PDS5B: variants seen among roughly 807,000 people sequenced by gnomAD.
PDS5B encodes the protein sister chromatid cohesion protein PDS5 homolog B.
A neutral mutation model predicts 184.1 loss-of-function variants in PDS5B; 51 were observed. That is an observed-to-expected ratio of 0.28 (90% CI 0.22 to 0.35). The LOEUF (loss-of-function observed/expected upper bound fraction) is 0.35. Ranked by LOEUF, PDS5B falls within the 10% of genes least tolerant of loss-of-function variation. PDS5B has a pLI of 1.00. For missense variants in PDS5B, 1,180 were observed against 1,723.3 expected (o/e 0.68, Z 5.58); for synonymous variants, 566 against 569.2 (o/e 0.99, Z 0.08).
chr13:32,693,727 G>T (rs1951619995), intron 13 of PDS5B, among the ~76,000 whole-genome samples: 1 of 150,530 alleles, frequency 6.6e-6, no homozygotes, highest in Admixed American at 6.6e-5. Flanking sequence ...TATATATCGA[G>T]TACCTGTATG....
chr13:32,728,221 G>T (rs1056652192), intron 19 of PDS5B, among the ~76,000 whole-genome samples: 10 of 151,338 alleles, frequency 6.6e-5, no homozygotes, highest in African/African-American at 2.2e-4. Context: ...AACTTCTTGA[G>T]TCTATGTAGC....
In PDS5B at chr13:32,658,337, C is replaced by T; in HGVS notation, c.399+12C>T. On this transcript the variant is annotated intron_variant, in intron 4 of 34. Coordinates refer to ENST00000315596, the MANE Select transcript of PDS5B (RefSeq NM_015032.4). ...TTTATTTACTTGAGGTAAGCAATAT[C>T]TTGTATCTTGAGATGACATTTTAAA... 2.1e-6 allele frequency: 3 copies of T among 1,437,630 alleles called. No homozygotes were observed. The highest frequency in any genetic ancestry group is 2.9e-6 in the Non-Finnish European group (3 of 1,026,318). 89.1% of individuals were successfully genotyped at this position (1,437,630 alleles called of 1,614,324 possible).
chr13:32,634,583 CTTTTT>C (rs34358183), intron 1 of PDS5B, among the ~76,000 whole-genome samples: 1 of 138,550 alleles, frequency 7.2e-6, no homozygotes, highest in Non-Finnish European at 1.5e-5. Flanking sequence ...TTACATTTAA[CTTTTT>C]TTTTTTTTTT....
rs538010656 is a variant in PDS5B, at chr13:32,688,213, C to T, written c.1356-243C>T. 3.2e-4 allele frequency among the ~76,000 whole-genome samples: 48 copies of T among 150,444 alleles called. 1 individual carries two copies. The highest frequency in any genetic ancestry group is 9.4e-4 in the African/African-American group (39 of 41,376). Reference sequence around the variant, plus strand: ...GAAAAAATCCCTGGTACATAATGTGCCCAACATCCTGAAGATGGTAGTTGT... The same window carrying T: ...GAAAAAATCCCTGGTACATAATGTGTCCAACATCCTGAAGATGGTAGTTGT... On this transcript the variant is annotated intron_variant, in intron 12 of 34. Coordinates refer to ENST00000315596, the MANE Select transcript of PDS5B (RefSeq NM_015032.4).
At chr13:32,757,852 C>T (rs566977208) in intron 26 of PDS5B, among the ~76,000 whole-genome samples, 2 of 152,174 alleles carry the variant, frequency 1.3e-5, no homozygotes, top group South Asian at 4.1e-4. Context: ...CCTTGGAAAT[C>T]TGGTGAGATT....
chr13:32,769,582 T>C (rs1306512510), intron 31 of PDS5B, among the ~76,000 whole-genome samples: 3 of 152,248 alleles, frequency 2.0e-5, no homozygotes, highest in Non-Finnish European at 4.4e-5. Context: ...GCAGTATTTC[T>C]AATTCAGAAG....
At chr13:32,600,301 T>C (rs2057952988) in intron 1 of PDS5B, among the ~76,000 whole-genome samples, 3 of 152,248 alleles carry the variant, frequency 2.0e-5, no homozygotes, top group Admixed American at 1.3e-4. Flanking sequence ...ATTTCATAAA[T>C]ACAAAATTTT....
Position 32,775,799 on chromosome 13 carries a change from T to G in PDS5B, c.*747T>G, listed in dbSNP as rs1954940267. The G allele has an allele frequency of 2.7e-6, 1 of 369,188 alleles. No homozygotes were observed. The highest frequency in any genetic ancestry group is 2.1e-5 in the African/African-American group (1 of 46,616). 22.9% of individuals were successfully genotyped at this position (369,188 alleles called of 1,614,324 possible). A position where few individuals can be genotyped will look rare whatever the true frequency, so the allele number is the denominator to read the frequency against. On this transcript the variant is annotated 3_prime_UTR_variant, in exon 35 of 35. Transcript: ENST00000315596. ...AGAAGAAAGATTTAAAGTATTTTAATTTTAAAGAGTGTGTTATAAAATAAT... is the reference window on the plus strand; with the variant it reads ...AGAAGAAAGATTTAAAGTATTTTAAGTTTAAAGAGTGTGTTATAAAATAAT...
chr13:32,774,550 A>C (rs1282963878), intron 34 of PDS5B, among the ~76,000 whole-genome samples: 5 of 152,222 alleles, frequency 3.3e-5, no homozygotes, highest in Admixed American at 3.3e-4. Flanking sequence ...AGTGCTTGTC[A>C]GCAAATGATA....
At chr13:32,701,083 A>T (rs967918820) in intron 16 of PDS5B, 2 of 273,984 alleles carry the variant, frequency 7.3e-6, no homozygotes. Context: ...CCAAATGTCT[A>T]TCCAGTAATT....
At chr13:32,672,521 G>C (rs1040802288) in intron 7 of PDS5B, among the ~76,000 whole-genome samples, 5 of 152,232 alleles carry the variant, frequency 3.3e-5, no homozygotes, top group African/African-American at 9.6e-5. Flanking sequence ...AGAAGTCCGA[G>C]AGTAGGCTGT....
chr13:32,643,093 A>G lies in PDS5B; in HGVS notation c.-19-5661A>G, dbSNP rs1950139479. 2.6e-5 allele frequency among the ~76,000 whole-genome samples: 4 copies of G among 152,092 alleles called. No homozygotes were observed. In the South Asian group the frequency reaches 8.3e-4, roughly 32 times the overall value. ...CTGTGGTCTGTGGCCATATTCATGTATTTGTTTTTATGAATCATGAACAGC... is the reference window on the plus strand; with the variant it reads ...CTGTGGTCTGTGGCCATATTCATGTGTTTGTTTTTATGAATCATGAACAGC... On this transcript the variant is annotated intron_variant, in intron 1 of 34. Coordinates refer to ENST00000315596, the MANE Select transcript of PDS5B (RefSeq NM_015032.4).
At chr13:32,665,710 T>TA (rs1950776791) in intron 6 of PDS5B, among the ~76,000 whole-genome samples, 1 of 151,976 alleles carries the variant, frequency 6.6e-6, no homozygotes, top group Admixed American at 6.6e-5. Context: ...TAAATTTGAT[T>TA]ACATTAAAAA....
intron 6 of PDS5B, among the ~76,000 whole-genome samples, chr13:32,665,095 T>A (rs1950749202): frequency 6.6e-6 from 1 of 152,096 alleles, no homozygotes; most frequent in Non-Finnish European, 1.5e-5. Flanking sequence ...GAAGGCATCC[T>A]TATGTAGAAG....
chr13:32,642,181 A>G (rs1950113290), intron 1 of PDS5B, among the ~76,000 whole-genome samples: 1 of 152,024 alleles, frequency 6.6e-6, no homozygotes, highest in Middle Eastern at 3.2e-3. Context: ...ACTTGTTTTA[A>G]TTTCTCCTGT....
Position 32,700,503 on chromosome 13 carries a change from C to T in PDS5B, c.1740+634C>T, listed in dbSNP as rs115259651. Among the ~76,000 whole-genome samples, 628 of 152,168 alleles carry T rather than the reference C, an allele frequency of 4.1e-3. 6 individuals carry two copies. Among genetic ancestry groups the T allele is most frequent in the African/African-American group, 0.014 (584 of 41,550 alleles). On this transcript the variant is annotated intron_variant, in intron 16 of 34. Coordinates refer to ENST00000315596, the MANE Select transcript of PDS5B (RefSeq NM_015032.4). Reference sequence around the variant, plus strand: ...TTTATATTTGTTAGTCACTAGTCATCTGACCATTTTTTTCTCCTTGGGATT... The same window carrying T: ...TTTATATTTGTTAGTCACTAGTCATTTGACCATTTTTTTCTCCTTGGGATT...
chr13:32,720,205 C>T (rs1033717919), intron 19 of PDS5B, among the ~76,000 whole-genome samples: 1 of 151,998 alleles, frequency 6.6e-6, no homozygotes, highest in African/African-American at 2.4e-5. Context: ...TCCTGTCAGC[C>T]TTCCAAATCA....
intron 22 of PDS5B, 120 bp downstream of exon 22, chr13:32,741,268 T>G (rs927264300): frequency 3.3e-6 from 2 of 597,598 alleles, no homozygotes; most frequent in African/African-American, 3.9e-5. Context: ...TTACATTTAT[T>G]GTATGATGTC....
At chr13:32,597,853 A>T (rs1416109670) in intron 1 of PDS5B, among the ~76,000 whole-genome samples, 1 of 152,038 alleles carries the variant, frequency 6.6e-6, no homozygotes, top group Non-Finnish European at 1.5e-5. Context: ...CAAAAAAAAA[A>T]AAAAGAAAAT....
Sources: gnomAD v4.1 joint callset for allele counts (sites outside exome capture counted in the v4.1 genomes callset) on GRCh38, gnomAD v4.1.1 for gene constraint, MANE v1.5 for transcripts, NCBI Gene and HGNC (gene_info 2026-07-23, HGNC 2026-07-21) for gene names.